THADA: variants seen among roughly 807,000 people sequenced by gnomAD.
THADA encodes the protein THADA armadillo repeat containing, also known as tRNA (32-2'-O)-methyltransferase regulator THADA.
In THADA, 213 loss-of-function variants were observed where a neutral mutation model predicts 219.8. That is an observed-to-expected ratio of 0.97 (90% CI 0.87 to 1.09). The LOEUF (loss-of-function observed/expected upper bound fraction) is 1.09. Ranked by LOEUF, THADA falls within the 50% of genes least tolerant of loss-of-function variation. The pLI, the probability that THADA is intolerant of heterozygous loss-of-function variation, is 0.00. For missense variants in THADA, 2,956 were observed against 2,311.3 expected, an observed-to-expected ratio of 1.28 and a Z score of -5.72; for synonymous variants, 1,018 against 828.9, an observed-to-expected ratio of 1.23 and a Z score of -3.92.
At chr2:43,551,153 G>A (rs192226728) in intron 19 of THADA, among the ~76,000 whole-genome samples, 2 of 152,300 alleles carry the variant, frequency 1.3e-5, no homozygotes, top group East Asian at 3.9e-4. Flanking sequence ...GGTTCAGTGA[G>A]TGTTTATGAT....
chr2:43,390,130 G>C (rs542808805), intron 29 of THADA, among the ~76,000 whole-genome samples: 1 of 152,212 alleles, frequency 6.6e-6, no homozygotes, highest in African/African-American at 2.4e-5. Context: ...AGCAGAGGAA[G>C]TAATATGATG....
At chr2:43,279,159 A>G (rs980659278) in intron 36 of THADA, among the ~76,000 whole-genome samples, 7 of 152,160 alleles carry the variant, frequency 4.6e-5, no homozygotes, top group South Asian at 2.1e-4. Context: ...TTACATGCAC[A>G]TGACCCCGGG....
intron 26 of THADA, among the ~76,000 whole-genome samples, chr2:43,444,307 T>G (rs1681241968): frequency 6.6e-6 from 1 of 152,222 alleles, no homozygotes; most frequent in African/African-American, 2.4e-5. Flanking sequence ...TTTTACACTC[T>G]CTGTGCCTCT....
At position 43,344,156 on chromosome 2, in the gene THADA, C is replaced by T; in HGVS notation, c.4309G>A (p.Val1437Ile). The T allele has an allele frequency of 1.2e-6, 2 of 1,611,936 alleles. No individual in the cohort carries two copies. The highest frequency in any genetic ancestry group is 1.7e-6 in the Non-Finnish European group (2 of 1,179,130). Residue 1437 changes from valine (V) to isoleucine (I), a missense_variant, in exon 30 of 38, where the codon GTT (valine) becomes ATT (isoleucine). Val to Ile is a conservative substitution (Grantham distance 29). Coordinates refer to ENST00000405975, the MANE Select transcript of THADA (RefSeq NM_022065.5). ...AGCCAGAGTTTGGCTTTGGTACAAA[C>T]AGTGATGTCAGTCAGCTCGTGCTGG... Reference protein sequence around the residue: ...DFQHELTDITVCTKAKLWLAK... With the variant: ...DFQHELTDITICTKAKLWLAK...
At chr2:43,394,041 G>A (rs2104701707) in intron 29 of THADA, among the ~76,000 whole-genome samples, 1 of 152,226 alleles carries the variant, frequency 6.6e-6, no homozygotes, top group South Asian at 2.1e-4. Flanking sequence ...AAAAACAGAA[G>A]GTTAAATCTA....
At chr2:43,389,366 T>A (rs953646440) in intron 29 of THADA, among the ~76,000 whole-genome samples, 2 of 152,174 alleles carry the variant, frequency 1.3e-5, no homozygotes, top group African/African-American at 4.8e-5. Flanking sequence ...ACACCTGTAG[T>A]CCCATCTACT....
chr2:43,357,184 A>G (rs1474328355), intron 29 of THADA, among the ~76,000 whole-genome samples: 1 of 152,238 alleles, frequency 6.6e-6, no homozygotes, highest in African/African-American at 2.4e-5. Flanking sequence ...CAATAAATGT[A>G]TCAGAAAATG....
intron 36 of THADA, among the ~76,000 whole-genome samples, chr2:43,247,636 C>T (rs536797765): frequency 3.3e-4 from 47 of 143,528 alleles, no homozygotes; most frequent in African/African-American, 1.2e-3. Flanking sequence ...GGCTGAGGCA[C>T]GAGAATCGCT....
At chr2:43,446,177 C>G (rs10200833) in intron 26 of THADA, among the ~76,000 whole-genome samples, 110,697 of 152,154 alleles carry the variant, frequency 0.73, 40,458 homozygotes, top group Admixed American at 0.77. Flanking sequence ...TAAAATCTCA[C>G]AATCAATTAA....
intron 34 of THADA, among the ~76,000 whole-genome samples, chr2:43,290,177 G>A (rs941693234): frequency 6.6e-6 from 1 of 151,530 alleles, no homozygotes; most frequent in East Asian, 1.9e-4. Context: ...TTTCACTGTT[G>A]GTCAGGCTAG....
intron 26 of THADA, among the ~76,000 whole-genome samples, chr2:43,440,946 T>C (rs1174522874): frequency 1.3e-5 from 2 of 152,234 alleles, no homozygotes; most frequent in African/African-American, 4.8e-5. Context: ...GCAGTTACCT[T>C]AGCAAATATT....
intron 28 of THADA, among the ~76,000 whole-genome samples, chr2:43,404,381 T>C (rs1009991978): frequency 6.6e-6 from 1 of 150,846 alleles, no homozygotes; most frequent in Non-Finnish European, 1.5e-5. Flanking sequence ...TTTTCTTTTT[T>C]TTTTTTTTTT....
Position 43,571,723 on chromosome 2 carries a change from C to A in THADA, c.2048G>T (p.Cys683Phe). The A allele has an allele frequency of 1.2e-6, 2 of 1,613,432 alleles. No individual in the cohort carries two copies. Among genetic ancestry groups the A allele is most frequent in the Non-Finnish European group, 8.5e-7 (1 of 1,179,662 alleles). Residue 683 changes from cysteine to phenylalanine, a missense_variant, in exon 13 of 38, where the codon TGT (cysteine) becomes TTT (phenylalanine). Coordinates refer to ENST00000405975, the MANE Select transcript of THADA (RefSeq NM_022065.5). ...AAATTCTACCTTTTTAAGAAGAGAA[C>A]AGATCTGTTGCCGCACTCCTGGAGA... ...SQSPGVRQQICSLLKKLFCRI... is the reference protein window; with the variant it reads ...SQSPGVRQQIFSLLKKLFCRI...
chr2:43,427,847 T>C (rs999441278), intron 28 of THADA, among the ~76,000 whole-genome samples: 8 of 149,420 alleles, frequency 5.4e-5, no homozygotes, highest in Non-Finnish European at 1.2e-4. Flanking sequence ...CCCCAGCTAC[T>C]CCGGAGGCTG....
chr2:43,371,152 T>A (rs112804509), intron 29 of THADA, among the ~76,000 whole-genome samples: 4,873 of 152,326 alleles, frequency 0.032, 193 homozygotes, highest in African/African-American at 0.093. Context: ...TTATTCTATT[T>A]TTAATTAACC....
intron 29 of THADA, among the ~76,000 whole-genome samples, chr2:43,388,420 G>T (rs183382923): frequency 3.3e-3 from 498 of 151,284 alleles, no homozygotes; most frequent in Middle Eastern, 6.8e-3. Flanking sequence ...CTTCCAAGAT[G>T]AAAAAAAAAC....
chr2:43,301,663 G>C (rs1463801490), intron 31 of THADA, among the ~76,000 whole-genome samples: 1 of 152,166 alleles, frequency 6.6e-6, no homozygotes, highest in Non-Finnish European at 1.5e-5. Flanking sequence ...TCTCAGCCCA[G>C]AAAGCACATT....
chr2:43,522,523 C>G (rs80020553), intron 22 of THADA, among the ~76,000 whole-genome samples: 1 of 152,222 alleles, frequency 6.6e-6, no homozygotes, highest in South Asian at 2.1e-4. Flanking sequence ...TAATCATTCC[C>G]TAAGATCAAG....
At chr2:43,534,955 C>G (rs1247220545) in intron 21 of THADA, among the ~76,000 whole-genome samples, 1 of 152,090 alleles carries the variant, frequency 6.6e-6, no homozygotes, top group Non-Finnish European at 1.5e-5. Flanking sequence ...AGTTTACACT[C>G]CCACCAATAG....
Sources: gnomAD v4.1 joint callset for allele counts (sites outside exome capture counted in the v4.1 genomes callset) on GRCh38, gnomAD v4.1.1 for gene constraint, MANE v1.5 for transcripts, NCBI Gene and HGNC (gene_info 2026-07-23, HGNC 2026-07-21) for gene names.